Variants in USP20 observed in about 807,000 individuals in gnomAD.
The protein encoded by USP20 is ubiquitin carboxyl-terminal hydrolase 20.
A neutral mutation model predicts 124.2 loss-of-function variants in USP20; 80 were observed. The ratio of observed to expected loss-of-function variants is 0.64; its 90% CI spans 0.54 to 0.78. USP20 has a LOEUF of 0.78. Ranked by LOEUF, USP20 falls within the 30% of genes least tolerant of loss-of-function variation. The pLI, the probability that USP20 is intolerant of heterozygous loss-of-function variation, is 0.00. For missense variants in USP20, 1,043 were observed against 1,244.4 expected (o/e 0.84, Z 2.44); for synonymous variants, 481 against 512.3 (o/e 0.94, Z 0.83).
rs150770652 is a variant in USP20, at chr9:129,839,737, G to A, written c.-129+4238G>A. ...GTCGCCCTCCCCATCCTGAGGGACT[G>A]GTTCCTCGCTGGGAGGAGGAGGATG... is the stretch of plus-strand genomic sequence containing the variant. On this transcript the variant is annotated intron_variant, in intron 1 of 25. Transcript: ENST00000372429. The surrounding 1 kb of genome is among the most constrained non-coding windows in gnomAD (Gnocchi z 4.5). Among the ~76,000 whole-genome samples, 624 of 152,186 alleles carry A rather than the reference G, an allele frequency of 4.1e-3. 8 individuals are homozygous for A. Among genetic ancestry groups the A allele is most frequent in the Non-Finnish European group, 5.9e-3 (402 of 67,968 alleles).
rs537109993 is a variant in USP20 at position 129,880,537 on chromosome 9, C to G, written c.*87C>G. ...GAGGCCGGGCTGCTGCAGAACCCCGCCGTGTAAAGAGGCAGAAAAGTTGGT... is the reference window on the plus strand; with the variant it reads ...GAGGCCGGGCTGCTGCAGAACCCCGGCGTGTAAAGAGGCAGAAAAGTTGGT... On this transcript the variant is annotated 3_prime_UTR_variant, in exon 26 of 26. Coordinates refer to ENST00000372429, the MANE Select transcript of USP20 (RefSeq NM_001110303.4). 8.2e-6 allele frequency: 4 copies of G among 486,030 alleles called. No individual in the cohort carries two copies. Among genetic ancestry groups the G allele is most frequent in the African/African-American group, 5.7e-5 (3 of 52,318 alleles). The allele number at this position is 486,030 out of a possible 1,614,324, so 30.1% of individuals were successfully genotyped here. A position where few individuals can be genotyped will look rare whatever the true frequency, so the allele number is the denominator to read the frequency against.
At chr9:129,855,202 C>T (rs540259453) in intron 3 of USP20, among the ~76,000 whole-genome samples, 78 of 152,186 alleles carry the variant, frequency 5.1e-4, no homozygotes, top group Middle Eastern at 3.4e-3. Flanking sequence ...GAGGCCAAGG[C>T]GGGTGGATCA....
chr9:129,875,975 T>G (rs1416369665), intron 21 of USP20, among the ~76,000 whole-genome samples, 155 bp from the exon 22 acceptor site: 1 of 98,166 alleles, frequency 1.0e-5, no homozygotes, highest in Non-Finnish European at 2.3e-5. Context: ...GCTGCTCCGT[T>G]GCAGGCTCTG....
At chr9:129,862,423 C>T (rs2033595211) in intron 8 of USP20, among the ~76,000 whole-genome samples, 1 of 152,012 alleles carries the variant, frequency 6.6e-6, no homozygotes, top group Admixed American at 6.5e-5. Context: ...CGTGGTGGCA[C>T]GCACCTGTAG....
chr9:129,853,068 A>G (rs971915977), intron 3 of USP20, among the ~76,000 whole-genome samples: 6 of 152,274 alleles, frequency 3.9e-5, no homozygotes, highest in African/African-American at 1.4e-4. Flanking sequence ...TGAAAAGGTA[A>G]TACTTGAACA....
intron 1 of USP20, among the ~76,000 whole-genome samples, chr9:129,849,249 T>C (rs1220369448): frequency 2.0e-5 from 3 of 152,132 alleles, no homozygotes; most frequent in African/African-American, 2.4e-5. Context: ...CAGCAGTGAC[T>C]AGTGAAGGCC....
intron 1 of USP20, among the ~76,000 whole-genome samples, chr9:129,846,671 C>G (rs184154245): frequency 6.7e-6 from 1 of 150,292 alleles, no homozygotes; most frequent in Non-Finnish European, 1.5e-5. Flanking sequence ...TCACCCAGGC[C>G]GGAGTGCAGT....
At chr9:129,863,954 A>C (rs1030649682) in intron 9 of USP20, among the ~76,000 whole-genome samples, 4 of 151,972 alleles carry the variant, frequency 2.6e-5, no homozygotes, top group Non-Finnish European at 5.9e-5. Flanking sequence ...AAAAATACAA[A>C]AATTAGCTGG....
Position 129,869,428 on chromosome 9 carries a change from G to A in USP20, c.1392+3G>A. The stretch of plus-strand genomic sequence containing the variant: ...TGCAGTGTCTCACCTGTGACCGGGT[G>A]GGTGCCCCAGGGATGGGGGGAGCTG... On this transcript the variant is annotated splice_donor_region_variant and intron_variant, in intron 13 of 25. Transcript: ENST00000372429. 1.3e-5 allele frequency: 21 copies of A among 1,613,056 alleles called. No individual in the cohort carries two copies. The highest frequency in any genetic ancestry group is 1.8e-5 in the Non-Finnish European group (21 of 1,179,500).
At chr9:129,851,999 C>T (rs959873288) in intron 2 of USP20, among the ~76,000 whole-genome samples, 5 of 146,596 alleles carry the variant, frequency 3.4e-5, no homozygotes, top group African/African-American at 1.3e-4. Context: ...CCTCACTCCG[C>T]AGGGGGCTCC....
intron 1 of USP20, among the ~76,000 whole-genome samples, chr9:129,837,841 G>T (rs972227974): frequency 6.6e-6 from 1 of 152,124 alleles, no homozygotes; most frequent in African/African-American, 2.4e-5. Context: ...GGTTTTAGGG[G>T]TCTGTAAGCT....
In USP20 at chr9:129,869,758, C is replaced by T. The variant is rs761041600; in HGVS notation, c.1479C>T (p.Tyr493=). The change falls in exon 14 of 26, where the codon TAC becomes TAT. Residue 493 remains tyrosine, a synonymous_variant. Transcript: ENST00000372429. ...EDLAKLHSAI[Y]QNVPAKPGAC... Reference sequence around the variant, plus strand: ...TGGCCAAGCTCCATTCAGCCATCTACCAGAATGTGCCGGCCAAGCCAGGCG... The same window carrying T: ...TGGCCAAGCTCCATTCAGCCATCTATCAGAATGTGCCGGCCAAGCCAGGCG... 14 of 1,614,068 alleles carry T rather than the reference C, an allele frequency of 8.7e-6. 1 individual carries two copies. The South Asian group carries it at 1.3e-4, about 15-fold the overall frequency.
intron 15 of USP20, among the ~76,000 whole-genome samples, chr9:129,871,084 T>C (rs1270133940): frequency 6.6e-6 from 1 of 152,138 alleles, no homozygotes; most frequent in Non-Finnish European, 1.5e-5. Flanking sequence ...TAGTGTTAAA[T>C]ACATGCACAT....
In USP20 at chr9:129,874,645, T is replaced by TCCTTCCC. The variant is rs767744765; in HGVS notation, c.1814_1820dup (p.Glu608ProfsTer55). On this transcript the variant is annotated frameshift_variant, in exon 18 of 26. Transcript: ENST00000372429. LOFTEE classifies it high-confidence loss of function. ...CTCATTCAAGATCAACAGCCACGTCTCCTTCCCCCTCGAGGGGCTCGACCT... is the reference window on the plus strand; with the variant it reads ...CTCATTCAAGATCAACAGCCACGTCTCCTTCCCCCTTCCCCCTCGAGGGGCTCGACCT... The TCCTTCCC allele has an allele frequency of 6.2e-7, 1 of 1,613,920 alleles. No homozygotes were observed.
chr9:129,861,075 G>T, intron 7 of USP20, 42 bp downstream of exon 7: 1 of 1,588,156 alleles, frequency 6.3e-7, no homozygotes, highest in Non-Finnish European at 8.6e-7. Flanking sequence ...GGCTGGGCTG[G>T]GGGCCCTCAT....
At position 129,835,480 on chromosome 9, in the gene USP20, C is replaced by A. The variant is rs1226583897; in HGVS notation, c.-148C>A. 5.0e-6 allele frequency: 2 copies of A among 401,438 alleles called. No homozygotes were observed. The highest frequency in any genetic ancestry group is 2.1e-5 in the African/African-American group (1 of 46,772). 24.9% of individuals were successfully genotyped at this position (401,438 alleles called of 1,614,324 possible). ...GGCGCGCTTGACTGACAGGCGGCGG[C>A]GGCGCAGTTGCGAGTGCAGGTGAGT... is the stretch of plus-strand genomic sequence containing the variant. On this transcript the variant is annotated 5_prime_UTR_variant, in exon 1 of 26. Coordinates refer to ENST00000372429, the MANE Select transcript of USP20 (RefSeq NM_001110303.4).
In USP20 at chr9:129,881,758, T is replaced by G. The variant is rs895880894; in HGVS notation, c.*1308T>G. 1.3e-5 allele frequency: 2 copies of G among 152,290 alleles called. No individual in the cohort carries two copies. Among genetic ancestry groups the G allele is most frequent in the Non-Finnish European group, 2.9e-5 (2 of 68,058 alleles). 9.4% of individuals were successfully genotyped at this position (152,290 alleles called of 1,614,324 possible). A position where few individuals can be genotyped will look rare whatever the true frequency, so the allele number is the denominator to read the frequency against. ...GACGCAGAGAGGCTTCTGTGCAGGC[T>G]GGGATCGGGCCCCATGTCTGTGCTG... On this transcript the variant is annotated 3_prime_UTR_variant, in exon 26 of 26. Coordinates refer to ENST00000372429, the MANE Select transcript of USP20 (RefSeq NM_001110303.4).
At chr9:129,877,986 C>T (rs566832713) in intron 22 of USP20, among the ~76,000 whole-genome samples, 5 of 152,214 alleles carry the variant, frequency 3.3e-5, no homozygotes, top group Admixed American at 6.5e-5. Context: ...GTGGGAGAAT[C>T]GCTTGAACCT....
At chr9:129,859,729 A>G (rs1374744187) in intron 6 of USP20, among the ~76,000 whole-genome samples, 1 of 152,204 alleles carries the variant, frequency 6.6e-6, no homozygotes, top group Non-Finnish European at 1.5e-5. Flanking sequence ...ATGTGTATTA[A>G]CAGTTAAAAG....
Sources: gnomAD v4.1 joint callset for allele counts (sites outside exome capture counted in the v4.1 genomes callset) on GRCh38, gnomAD v4.1.1 for gene constraint, Gnocchi (gnomAD v3.1) non-coding constraint, MANE v1.5 for transcripts, NCBI Gene and HGNC (gene_info 2026-07-23, HGNC 2026-07-21) for gene names.